The following DAB1 variants were observed in gnomAD, a reference collection of about 807,000 sequenced individuals.
The protein encoded by DAB1 is DAB adaptor protein 1.
Under a neutral mutation model 64.6 loss-of-function variants are expected in DAB1, and 15 were observed. The ratio of observed to expected loss-of-function variants is 0.23; its 90% CI spans 0.16 to 0.36. The LOEUF (loss-of-function observed/expected upper bound fraction) is 0.36, where lower values mean the gene tolerates loss of function less well. DAB1 is among the 10% of genes least tolerant of loss of function. The pLI, the probability that DAB1 is intolerant of heterozygous loss-of-function variation, is 1.00. For synonymous variants in DAB1, 235 were observed against 251.9 expected (o/e 0.93, Z 0.64); for missense variants, 596 against 706.7 (o/e 0.84, Z 1.78).
chr1:58,515,481 A>G (rs1036825475), intron 2 of DAB1, among the ~76,000 whole-genome samples: 3 of 152,194 alleles, frequency 2.0e-5, no homozygotes, highest in Admixed American at 6.5e-5. Flanking sequence ...AAGTTTTATC[A>G]TAAGACTCAA....
chr1:57,056,504 C>CAAAAAAAAA (rs71051216), intron 9 of DAB1, among the ~76,000 whole-genome samples: 2 of 87,012 alleles, frequency 2.3e-5, no homozygotes, highest in Non-Finnish European at 4.4e-5. Context: ...GAGCCTGTCT[C>CAAAAAAAAA]AAAAAAAAAA....
intron 7 of DAB1, among the ~76,000 whole-genome samples, chr1:57,576,990 A>G (rs1645257506): frequency 6.6e-6 from 1 of 152,318 alleles, no homozygotes; most frequent in Middle Eastern, 3.4e-3. Flanking sequence ...TTTACTAAGC[A>G]AATTAATAAT....
intron 4 of DAB1, among the ~76,000 whole-genome samples, chr1:58,174,612 A>G (rs990467644): frequency 2.0e-5 from 3 of 152,198 alleles, no homozygotes; most frequent in African/African-American, 7.2e-5. Flanking sequence ...TGAGAGGTGA[A>G]GCCAGCTGGG....
chr1:57,004,278 A>G (rs539545020), intron 14 of DAB1, among the ~76,000 whole-genome samples: 1 of 152,334 alleles, frequency 6.6e-6, no homozygotes, highest in South Asian at 2.1e-4. Context: ...ATGTCACATT[A>G]TAACAAGACG....
At chr1:57,444,644 C>A (rs1275359009) in intron 7 of DAB1, among the ~76,000 whole-genome samples, 1 of 152,116 alleles carries the variant, frequency 6.6e-6, no homozygotes, top group Non-Finnish European at 1.5e-5. Flanking sequence ...AAGACACACA[C>A]ACAAGAAACA....
At chr1:58,324,270 A>G (rs1272834567) in intron 4 of DAB1, among the ~76,000 whole-genome samples, 5 of 152,196 alleles carry the variant, frequency 3.3e-5, no homozygotes, top group African/African-American at 1.2e-4. Flanking sequence ...TGTTCAGTAA[A>G]GGATTACTGA....
chr1:57,512,019 A>G (rs1299238995), intron 7 of DAB1, among the ~76,000 whole-genome samples: 1 of 152,178 alleles, frequency 6.6e-6, no homozygotes, highest in Non-Finnish European at 1.5e-5. Context: ...ATCTCACCAT[A>G]TACAACCACA....
intron 2 of DAB1, among the ~76,000 whole-genome samples, chr1:57,263,143 T>G (rs1253376043): frequency 2.0e-5 from 3 of 149,404 alleles, no homozygotes; most frequent in Non-Finnish European, 4.4e-5. Context: ...TGAGACGGAG[T>G]CTCGCTCTGT....
chr1:57,543,358 A>G lies in DAB1; in HGVS notation n.625+106234T>C, dbSNP rs370730610. 7.2e-5 allele frequency among the ~76,000 whole-genome samples: 11 copies of G among 152,162 alleles called. No individual in the cohort carries two copies. In the South Asian group the frequency reaches 1.0e-3, roughly 14 times the overall value. On this transcript the variant is annotated intron_variant and non_coding_transcript_variant, in intron 7 of 20. Transcript: ENST00000485760. Reference sequence around the variant, plus strand: ...TCCCCTATGTCATGCTGTTTCTGCAATTTTCCTGAGTGATATACCAGAGAT... The same window carrying G: ...TCCCCTATGTCATGCTGTTTCTGCAGTTTTCCTGAGTGATATACCAGAGAT...
At chr1:58,489,649 G>A (rs1569875629) in intron 3 of DAB1, among the ~76,000 whole-genome samples, 1 of 152,206 alleles carries the variant, frequency 6.6e-6, no homozygotes, top group African/African-American at 2.4e-5. Flanking sequence ...GCCTCCTCAA[G>A]TGGGTCCCTG....
intron 3 of DAB1, among the ~76,000 whole-genome samples, chr1:58,411,474 T>C (rs1644667849): frequency 6.6e-6 from 1 of 152,198 alleles, no homozygotes; most frequent in Non-Finnish European, 1.5e-5. Context: ...GAAGTAAGTG[T>C]ACAGAATGCT....
chr1:57,467,029 A>G (rs776634403), intron 7 of DAB1, among the ~76,000 whole-genome samples: 3 of 152,232 alleles, frequency 2.0e-5, no homozygotes, highest in Non-Finnish European at 2.9e-5. Context: ...GCGATAGCTT[A>G]TCTTGTTCAC....
intron 2 of DAB1, among the ~76,000 whole-genome samples, chr1:57,222,846 G>T (rs559832280): frequency 6.6e-6 from 1 of 152,232 alleles, no homozygotes; most frequent in Admixed American, 6.5e-5. Flanking sequence ...GTTATGATAG[G>T]AATAATCCTA....
chr1:57,329,406 T>G (rs1392139752), intron 1 of DAB1, among the ~76,000 whole-genome samples: 1 of 152,224 alleles, frequency 6.6e-6, no homozygotes, highest in East Asian at 1.9e-4. Context: ...TATGCTTTTA[T>G]TGGCCATTAC....
intron 5 of DAB1, among the ~76,000 whole-genome samples, chr1:58,085,645 G>T (rs1650255548): frequency 6.6e-6 from 1 of 151,908 alleles, no homozygotes; most frequent in South Asian, 2.1e-4. Flanking sequence ...TAGGGTTACA[G>T]GTGTGAGCCA....
intron 2 of DAB1, among the ~76,000 whole-genome samples, chr1:57,254,907 C>T (rs1669644429): frequency 6.6e-6 from 1 of 152,044 alleles, no homozygotes; most frequent in Non-Finnish European, 1.5e-5. Context: ...TCTGCTTTTC[C>T]ACTTAGATCA....
intron 1 of DAB1, among the ~76,000 whole-genome samples, chr1:57,328,642 A>G (rs1676387116): frequency 6.6e-6 from 1 of 152,218 alleles, no homozygotes; most frequent in African/African-American, 2.4e-5. Context: ...GATTTGAAGA[A>G]GGTCACAAAA....
chr1:57,875,688 G>A (rs182612353), intron 1 of DAB1, among the ~76,000 whole-genome samples: 1 of 152,236 alleles, frequency 6.6e-6, no homozygotes, highest in East Asian at 1.9e-4. Flanking sequence ...ATTATTAAAG[G>A]ATGAATAAAA....
At chr1:57,070,719 T>TTC (rs1246380229) in intron 7 of DAB1, 34 of 384,854 alleles carry the variant, frequency 8.8e-5, no homozygotes, top group African/African-American at 2.1e-5. Flanking sequence ...ACTCAGAATA[T>TTC]TCAAGAGACT....
Sources: gnomAD v4.1 joint callset for allele counts (sites outside exome capture counted in the v4.1 genomes callset) on GRCh38, gnomAD v4.1.1 for gene constraint, MANE v1.5 for transcripts, NCBI Gene and HGNC (gene_info 2026-07-23, HGNC 2026-07-21) for gene names.